The following EYA2 variants were observed in gnomAD, a reference collection of about 807,000 sequenced individuals.
EYA2 encodes EYA transcriptional coactivator and phosphatase 2, also known as protein phosphatase EYA2.
In EYA2, 31 loss-of-function variants were observed where a neutral mutation model predicts 69.2. The ratio of observed to expected loss-of-function variants is 0.45; its 90% CI spans 0.34 to 0.60. The LOEUF (loss-of-function observed/expected upper bound fraction) is 0.60. EYA2 is among the 20% of genes least tolerant of loss of function. The pLI, the probability that EYA2 is intolerant of heterozygous loss-of-function variation, is 0.02. For missense variants in EYA2, 622 were observed against 701.2 expected, an observed-to-expected ratio of 0.89 and a Z score of 1.28; for synonymous variants, 257 against 279.4, an observed-to-expected ratio of 0.92 and a Z score of 0.80.
At chr20:46,931,489 G>C (rs1237289792) in intron 1 of EYA2, among the ~76,000 whole-genome samples, 1 of 152,108 alleles carries the variant, frequency 6.6e-6, no homozygotes, top group Non-Finnish European at 1.5e-5. Flanking sequence ...TTGGCTCTCA[G>C]TTTTCTTCTC....
At chr20:46,982,070 T>C (rs1980868500) in intron 1 of EYA2, among the ~76,000 whole-genome samples, 1 of 152,232 alleles carries the variant, frequency 6.6e-6, no homozygotes, top group Non-Finnish European at 1.5e-5. Context: ...ATGTTAATTG[T>C]ATTTATCTAT....
At chr20:47,093,356 G>A (rs546967452) in intron 8 of EYA2, among the ~76,000 whole-genome samples, 1 of 152,328 alleles carries the variant, frequency 6.6e-6, no homozygotes, top group South Asian at 2.1e-4. Context: ...GGGTGGATGG[G>A]CAGAAAGAAC....
intron 5 of EYA2, among the ~76,000 whole-genome samples, chr20:47,018,297 C>CCATTCATTCATTCATT (rs377411120): frequency 1.4e-5 from 2 of 142,574 alleles, no homozygotes; most frequent in African/African-American, 5.0e-5. Context: ...GGAGAGGCCC[C>CCATTCATTCATTCATT]CATTCATTCA....
intron 9 of EYA2, among the ~76,000 whole-genome samples, chr20:47,123,067 T>G (rs2033093494): frequency 6.6e-6 from 1 of 152,180 alleles, no homozygotes; most frequent in African/African-American, 2.4e-5. Flanking sequence ...CCTTATAGGG[T>G]CACTGGGGGA....
At chr20:46,946,612 T>C (rs1473828536) in intron 1 of EYA2, among the ~76,000 whole-genome samples, 2 of 152,184 alleles carry the variant, frequency 1.3e-5, no homozygotes, top group Non-Finnish European at 2.9e-5. Context: ...TAAAGGACCA[T>C]GTCATAAATA....
chr20:46,895,550 G>T (rs1171014880), intron 1 of EYA2, among the ~76,000 whole-genome samples: 2 of 152,236 alleles, frequency 1.3e-5, no homozygotes, highest in African/African-American at 4.8e-5. Context: ...CAGGTCTGGG[G>T]CTTTGAACCG....
At chr20:46,968,819 A>G (rs909845612) in intron 1 of EYA2, among the ~76,000 whole-genome samples, 8 of 151,998 alleles carry the variant, frequency 5.3e-5, no homozygotes, top group African/African-American at 1.7e-4. Context: ...CCTCTACGCT[A>G]AAAGATGTTT....
At chr20:47,028,935 T>G (rs1568733235) in intron 5 of EYA2, among the ~76,000 whole-genome samples, 1 of 148,970 alleles carries the variant, frequency 6.7e-6, no homozygotes, top group African/African-American at 2.6e-5. Context: ...AAATTTAAAT[T>G]AAAAAAAAAC....
intron 9 of EYA2, among the ~76,000 whole-genome samples, chr20:47,112,098 A>G (rs897136884): frequency 1.3e-5 from 2 of 152,184 alleles, no homozygotes; most frequent in Admixed American, 6.5e-5. Flanking sequence ...CCGAGGTGGC[A>G]CCACTGCACT....
intron 1 of EYA2, among the ~76,000 whole-genome samples, chr20:46,974,332 C>T (rs936673890): frequency 1.3e-5 from 2 of 152,328 alleles, no homozygotes; most frequent in Admixed American, 1.3e-4. Context: ...TCCAACATTT[C>T]TCTCCTGCCT....
intron 1 of EYA2, among the ~76,000 whole-genome samples, chr20:46,913,298 G>T (rs919253373): frequency 6.6e-6 from 1 of 152,212 alleles, no homozygotes; most frequent in African/African-American, 2.4e-5. Flanking sequence ...GTTGTGCCTG[G>T]TGTGTTCAGG....
In EYA2 at chr20:47,161,153, A is replaced by G. The variant is rs1297307210; in HGVS notation, c.979-7986A>G. 4 of 356,524 alleles carry G rather than the reference A, an allele frequency of 1.1e-5. No homozygotes were observed. In the East Asian group the frequency reaches 2.3e-4, roughly 21 times the overall value. 22.1% of individuals were successfully genotyped at this position (356,524 alleles called of 1,614,324 possible). On this transcript the variant is annotated intron_variant, in intron 10 of 15. Coordinates refer to ENST00000327619, the MANE Select transcript of EYA2 (RefSeq NM_005244.5). ...CCTGGGTGCAGGGATGAAGTGCACC[A>G]GCACAGAGCCACAGTGGCCTGTCAC...
intron 2 of EYA2, among the ~76,000 whole-genome samples, chr20:46,996,206 T>C (rs1387611361): frequency 6.6e-6 from 1 of 152,252 alleles, no homozygotes; most frequent in Non-Finnish European, 1.5e-5. Context: ...CACATAAGTA[T>C]GCACTCAGTA....
Position 46,930,241 on chromosome 20 carries a change from T to C in EYA2, c.-11+35254T>C, listed in dbSNP as rs558129344. 3.3e-5 allele frequency among the ~76,000 whole-genome samples: 5 copies of C among 152,214 alleles called. No homozygotes were observed. In the East Asian group the frequency reaches 5.8e-4, roughly 18 times the overall value. ...TATAAATTTTAAAATGACATGCATG[T>C]ACTATATGACCTTTGGTTAACACTA... On this transcript the variant is annotated intron_variant, in intron 1 of 15. Coordinates refer to ENST00000327619, the MANE Select transcript of EYA2 (RefSeq NM_005244.5).
chr20:47,170,082 T>A (rs1283683396), intron 11 of EYA2, among the ~76,000 whole-genome samples: 1 of 151,704 alleles, frequency 6.6e-6, no homozygotes, highest in East Asian at 2.0e-4. Flanking sequence ...ATTTTTTTGT[T>A]TTTTTAGTAG....
At chr20:47,056,475 A>G (rs2030617184) in intron 5 of EYA2, among the ~76,000 whole-genome samples, 1 of 152,120 alleles carries the variant, frequency 6.6e-6, no homozygotes, top group Non-Finnish European at 1.5e-5. Context: ...TTATGAAGAC[A>G]CAAAAAATTA....
chr20:47,172,555 C>A (rs980021692), intron 11 of EYA2, 152 bp from the exon 12 acceptor site: 2 of 653,866 alleles, frequency 3.1e-6, no homozygotes, highest in African/African-American at 1.8e-5. Context: ...CCTGCTGCCC[C>A]CCAAATGCAC....
intron 9 of EYA2, among the ~76,000 whole-genome samples, chr20:47,126,069 G>T (rs1280553465): frequency 6.6e-6 from 1 of 152,180 alleles, no homozygotes; most frequent in Non-Finnish European, 1.5e-5. Context: ...AGACGGGCAG[G>T]TCTGCACTTT....
chr20:46,954,822 C>T lies in EYA2; in HGVS notation c.-10-35179C>T, dbSNP rs562079155. Among the ~76,000 whole-genome samples the T allele has an allele frequency of 6.7e-4, 102 of 151,384 alleles. No individual in the cohort carries two copies. In the Middle Eastern group the frequency reaches 0.017, roughly 25 times the overall value. On this transcript the variant is annotated intron_variant, in intron 1 of 15. Coordinates refer to ENST00000327619, the MANE Select transcript of EYA2 (RefSeq NM_005244.5). ...TTCTGCTAACAGTCAGTTCTTACTA[C>T]GAGGCATTCTCAGAGCCAAGGGGAA...
Sources: allele counts gnomAD v4.1 joint callset (sites outside exome capture counted in the v4.1 genomes callset), GRCh38; gene constraint gnomAD v4.1.1; transcripts MANE v1.5; gene names NCBI Gene and HGNC (gene_info 2026-07-23, HGNC 2026-07-21).